The following ADAMTS19 variants were observed in gnomAD, a reference collection of about 807,000 sequenced individuals.
ADAMTS19 encodes the protein ADAM metallopeptidase with thrombospondin type 1 motif 19.
A neutral mutation model predicts 153.3 loss-of-function variants in ADAMTS19; 93 were observed. The ratio of observed to expected loss-of-function variants is 0.61; its 90% CI spans 0.51 to 0.72. The LOEUF (loss-of-function observed/expected upper bound fraction) is 0.72. ADAMTS19 is among the 30% of genes least tolerant of loss of function. The pLI, the probability that ADAMTS19 is intolerant of heterozygous loss-of-function variation, is 0.00. For missense variants in ADAMTS19, 1,482 were observed against 1,552.1 expected (o/e 0.95, Z 0.76); for synonymous variants, 600 against 556.6 (o/e 1.08, Z -1.10).
At position 129,605,500 on chromosome 5, in the gene ADAMTS19, AG is replaced by A. The variant is rs548924172; in HGVS notation, c.1478+8839del. Among the ~76,000 whole-genome samples the A allele has an allele frequency of 8.5e-5, 13 of 152,320 alleles. No individual in the cohort carries two copies. The South Asian group carries it at 2.5e-3, about 29-fold the overall frequency. On this transcript the variant is annotated intron_variant, in intron 8 of 22. Transcript: ENST00000274487. ...TTCTTTAGTTCTCCACTCACGTATC[AG>A]GGTTCAGTGAGGCCTTTCTGATAAC... is the stretch of plus-strand genomic sequence containing the variant.
At chr5:129,463,407 T>G (rs2126636393) in intron 2 of ADAMTS19, among the ~76,000 whole-genome samples, 1 of 152,242 alleles carries the variant, frequency 6.6e-6, no homozygotes, top group Non-Finnish European at 1.5e-5. Context: ...AAAAAAGAAT[T>G]ATAAGTAGGT....
In ADAMTS19 at chr5:129,526,555, A is replaced by G. The variant is rs558714885; in HGVS notation, c.1086+99A>G. 41 of 1,183,510 alleles carry G rather than the reference A, an allele frequency of 3.5e-5. 1 individual carries two copies. In the South Asian group the frequency reaches 5.7e-4, roughly 17 times the overall value. The allele number at this position is 1,183,510 out of a possible 1,614,324, so 73.3% of individuals were successfully genotyped here. On this transcript the variant is annotated intron_variant, in intron 4 of 22. Coordinates refer to ENST00000274487, the MANE Select transcript of ADAMTS19 (RefSeq NM_133638.6). ...TGAAATTCTTTAAAATTAACTCATT[A>G]CTATTCCTTTCTCTTATTGTCATCA...
At chr5:129,532,036 A>G (rs1321461694) in intron 6 of ADAMTS19, among the ~76,000 whole-genome samples, 3 of 152,202 alleles carry the variant, frequency 2.0e-5, no homozygotes, top group Non-Finnish European at 4.4e-5. Flanking sequence ...CACAGAATTA[A>G]ACATGAAAGC....
rs529022370 is a variant in ADAMTS19, at chr5:129,711,525, A to C, written c.3312+7134A>C. ...TCCATCTCTACCAAAAATACAAAAA[A>C]AATTAGCCGGGCGTGGCAGCGGGTG... On this transcript the variant is annotated intron_variant, in intron 21 of 22. Coordinates refer to ENST00000274487, the MANE Select transcript of ADAMTS19 (RefSeq NM_133638.6). Among the ~76,000 whole-genome samples the C allele has an allele frequency of 3.3e-5, 5 of 152,190 alleles. No homozygotes were observed. The South Asian group carries it at 1.0e-3, about 32-fold the overall frequency.
intron 2 of ADAMTS19, among the ~76,000 whole-genome samples, chr5:129,494,645 C>CA (rs1158725687): frequency 6.6e-5 from 10 of 152,058 alleles, no homozygotes; most frequent in Non-Finnish European, 1.5e-4. Context: ...ATAGACACAC[C>CA]AAGTTTAACA....
At chr5:129,572,571 G>A (rs1753950535) in intron 7 of ADAMTS19, among the ~76,000 whole-genome samples, 1 of 151,910 alleles carries the variant, frequency 6.6e-6, no homozygotes, top group Non-Finnish European at 1.5e-5. Context: ...ATCCATACAA[G>A]GAAATGCTAT....
intron 2 of ADAMTS19, among the ~76,000 whole-genome samples, chr5:129,485,233 C>A (rs1007853730): frequency 6.6e-6 from 1 of 151,962 alleles, no homozygotes; most frequent in African/African-American, 2.4e-5. Context: ...AGAAATAAAA[C>A]AATGCGCTAC....
chr5:129,550,547 T>C (rs1239782362), intron 6 of ADAMTS19, among the ~76,000 whole-genome samples: 1 of 149,990 alleles, frequency 6.7e-6, no homozygotes, highest in Non-Finnish European at 1.5e-5. Context: ...GATACATCTA[T>C]ACATATATCT....
intron 7 of ADAMTS19, among the ~76,000 whole-genome samples, chr5:129,581,187 A>T (rs1001538859): frequency 2.0e-5 from 3 of 152,056 alleles, no homozygotes; most frequent in Non-Finnish European, 4.4e-5. Context: ...CCAGGAATTT[A>T]TCTATTTCTT....
chr5:129,583,705 CT>C (rs1388407078), intron 7 of ADAMTS19, among the ~76,000 whole-genome samples: 2 of 151,622 alleles, frequency 1.3e-5, no homozygotes, highest in African/African-American at 2.4e-5. Flanking sequence ...ATCAATTCAG[CT>C]ATTGATACTT....
Position 129,699,861 on chromosome 5 carries a change from T to G in ADAMTS19, c.2955-1527T>G, listed in dbSNP as rs147836707. ...TAAGTATGAATCATTTTAAAAATGC[T>G]ACTATATATAATATATCCTGAACCT... On this transcript the variant is annotated intron_variant, in intron 19 of 22. Transcript: ENST00000274487. Among the ~76,000 whole-genome samples, 728 of 152,318 alleles carry G rather than the reference T, an allele frequency of 4.8e-3. 4 individuals carry two copies. Among genetic ancestry groups the G allele is most frequent in the African/African-American group, 0.017 (693 of 41,568 alleles).
Position 129,714,011 on chromosome 5 carries a change from C to T in ADAMTS19, c.3312+9620C>T, listed in dbSNP as rs1482437101. ...TTCTTGGAATATCAAAATGCTCTCA[C>T]CATGCAAGTAAAAGTAATAATCCAG... On this transcript the variant is annotated intron_variant, in intron 21 of 22. Transcript: ENST00000274487. Among the ~76,000 whole-genome samples, 3 of 152,128 alleles carry T rather than the reference C, an allele frequency of 2.0e-5. No individual in the cohort carries two copies. The East Asian group carries it at 5.8e-4, about 29-fold the overall frequency.
intron 8 of ADAMTS19, among the ~76,000 whole-genome samples, chr5:129,601,693 GT>G (rs1321088834): frequency 2.0e-5 from 3 of 152,192 alleles, no homozygotes; most frequent in African/African-American, 7.2e-5. Context: ...CAATGGAGTT[GT>G]GCAGACAGTG....
At chr5:129,547,719 C>A (rs1337481403) in intron 6 of ADAMTS19, among the ~76,000 whole-genome samples, 1 of 150,570 alleles carries the variant, frequency 6.6e-6, no homozygotes, top group Non-Finnish European at 1.5e-5. Flanking sequence ...ATTGCCAAGC[C>A]AATCCTAAGC....
chr5:129,681,418 G>T (rs1754805985), intron 17 of ADAMTS19, among the ~76,000 whole-genome samples: 4 of 152,052 alleles, frequency 2.6e-5, no homozygotes, highest in Admixed American at 2.6e-4. Context: ...TTCCAAATCA[G>T]AATAATAATA....
At chr5:129,576,241 CCTTT>C (rs111240238) in intron 7 of ADAMTS19, among the ~76,000 whole-genome samples, 3 of 152,090 alleles carry the variant, frequency 2.0e-5, no homozygotes, top group African/African-American at 4.8e-5. Flanking sequence ...GATTGAATCT[CCTTT>C]CTTTCACTTT....
intron 18 of ADAMTS19, among the ~76,000 whole-genome samples, chr5:129,694,379 G>T (rs915565167): frequency 6.6e-6 from 1 of 152,058 alleles, no homozygotes; most frequent in Non-Finnish European, 1.5e-5. Context: ...ATAAGACCTG[G>T]TGTTCAATAA....
intron 2 of ADAMTS19, among the ~76,000 whole-genome samples, chr5:129,477,173 C>A (rs1236715792): frequency 2.0e-5 from 3 of 152,030 alleles, no homozygotes; most frequent in Non-Finnish European, 4.4e-5. Context: ...TCAGTTTGAG[C>A]TTTAAGGGAT....
At chr5:129,661,806 C>G (rs938367600) in intron 15 of ADAMTS19, among the ~76,000 whole-genome samples, 5 of 152,098 alleles carry the variant, frequency 3.3e-5, no homozygotes, top group African/African-American at 1.2e-4. Flanking sequence ...ATGTTTTATT[C>G]TTTATATAAG....
Sources: allele counts gnomAD v4.1 joint callset (sites outside exome capture counted in the v4.1 genomes callset), GRCh38; gene constraint gnomAD v4.1.1; transcripts MANE v1.5; gene names NCBI Gene and HGNC (gene_info 2026-07-23, HGNC 2026-07-21).